The following FHIP1A variants were observed in gnomAD, a reference collection of about 807,000 sequenced individuals.
The protein encoded by FHIP1A is FHF complex subunit HOOK interacting protein 1A.
FHIP1A carries 61 observed loss-of-function variants against 88.6 expected under a neutral mutation model. That is an observed-to-expected ratio of 0.69 (90% confidence interval 0.56 to 0.85). FHIP1A has a LOEUF of 0.85. Among genes scored for constraint, FHIP1A ranks in the 40% least tolerant of loss-of-function variants. The probability of loss-of-function intolerance (pLI) is 0.00; values close to 1 mark genes in which losing one functional copy is unlikely to be tolerated. For missense variants in FHIP1A, 1,154 were observed against 1,273.5 expected (o/e 0.91, Z 1.43); for synonymous variants, 478 against 496.0 (o/e 0.96, Z 0.48).
rs1258458227 is a variant in FHIP1A, at chr4:151,656,453, G to T, written c.2730+43G>T. 14 of 1,522,916 alleles carry T rather than the reference G, an allele frequency of 9.2e-6. No individual in the cohort carries two copies. Among genetic ancestry groups the T allele is most frequent in the Non-Finnish European group, 1.2e-5 (13 of 1,125,764 alleles). 94.3% of individuals were successfully genotyped at this position (1,522,916 alleles called of 1,614,324 possible). ...ACATCCACACCTGTTGATTTTGTGG[G>T]TGCTAATTTGCAGGGCATCTATTTC... On this transcript the variant is annotated intron_variant, in intron 12 of 13. Coordinates refer to ENST00000435205, the MANE Select transcript of FHIP1A (RefSeq NM_001109977.3). This position sits in a 1 kb window ranked among gnomAD's most constrained non-coding sequence, Gnocchi z 4.2.
chr4:151,518,004 A>C (rs1055752302), intron 3 of FHIP1A, among the ~76,000 whole-genome samples: 1 of 152,204 alleles, frequency 6.6e-6, no homozygotes. Flanking sequence ...AAATATTTTA[A>C]GAATAAATTT....
At chr4:151,432,021 C>T (rs1209292860) in intron 1 of FHIP1A, among the ~76,000 whole-genome samples, 1 of 152,190 alleles carries the variant, frequency 6.6e-6, no homozygotes, top group Non-Finnish European at 1.5e-5. Flanking sequence ...AGCCTTTCCT[C>T]TGGAAGAGAG....
intron 4 of FHIP1A, among the ~76,000 whole-genome samples, chr4:151,570,927 A>G (rs1400308493): frequency 6.6e-6 from 1 of 152,196 alleles, no homozygotes; most frequent in Non-Finnish European, 1.5e-5. Flanking sequence ...TAATTTTTAT[A>G]GTAGTCTATT....
chr4:151,419,097 T>C (rs184511922), intron 1 of FHIP1A, among the ~76,000 whole-genome samples: 1 of 152,318 alleles, frequency 6.6e-6, no homozygotes, highest in East Asian at 1.9e-4. Context: ...TAGTTAAACA[T>C]TCTGGGTATG....
At chr4:151,639,015 A>G (rs1736471498) in intron 9 of FHIP1A, among the ~76,000 whole-genome samples, 1 of 152,186 alleles carries the variant, frequency 6.6e-6, no homozygotes, top group African/African-American at 2.4e-5. Flanking sequence ...CCTGGAAATT[A>G]TAGATAGAAT....
chr4:151,427,562 G>T (rs1733430471), intron 1 of FHIP1A, among the ~76,000 whole-genome samples: 1 of 152,018 alleles, frequency 6.6e-6, no homozygotes, highest in Admixed American at 6.6e-5. Context: ...TGGTATATGT[G>T]TTCATACAAT....
At chr4:151,432,464 T>C (rs1311929081) in intron 1 of FHIP1A, among the ~76,000 whole-genome samples, 2 of 152,146 alleles carry the variant, frequency 1.3e-5, no homozygotes, top group South Asian at 2.1e-4. Context: ...CCTATTCTCA[T>C]TGGGTGAGTG....
At chr4:151,456,443 G>A (rs1431735324) in intron 2 of FHIP1A, among the ~76,000 whole-genome samples, 3 of 152,080 alleles carry the variant, frequency 2.0e-5, no homozygotes, top group Non-Finnish European at 4.4e-5. Context: ...TAAACCTCTC[G>A]GAAGATGAAA....
At chr4:151,438,209 G>C (rs976759653) in intron 1 of FHIP1A, among the ~76,000 whole-genome samples, 4 of 152,094 alleles carry the variant, frequency 2.6e-5, no homozygotes, top group African/African-American at 9.7e-5. Flanking sequence ...TCTCTAAGGT[G>C]CTTTTAAGCT....
At chr4:151,521,492 C>T (rs188699013) in intron 3 of FHIP1A, among the ~76,000 whole-genome samples, 15 of 152,200 alleles carry the variant, frequency 9.9e-5, no homozygotes, top group South Asian at 6.2e-4. Flanking sequence ...GTCGTCTCTG[C>T]GGTCTAATCA....
chr4:151,442,407 G>C (rs1053745696), intron 1 of FHIP1A, among the ~76,000 whole-genome samples: 1 of 152,114 alleles, frequency 6.6e-6, no homozygotes, highest in African/African-American at 2.4e-5. Flanking sequence ...ATATGGCACT[G>C]GTAGACCCAT....
At chr4:151,606,321 A>G (rs2126837922) in intron 7 of FHIP1A, among the ~76,000 whole-genome samples, 1 of 152,148 alleles carries the variant, frequency 6.6e-6, no homozygotes, top group Non-Finnish European at 1.5e-5. Context: ...CTGAGGAAAA[A>G]CGTCTTGAAG....
intron 3 of FHIP1A, among the ~76,000 whole-genome samples, chr4:151,521,173 T>C (rs557842899): frequency 1.3e-5 from 2 of 152,312 alleles, no homozygotes; most frequent in East Asian, 3.9e-4. Context: ...CATGAAGTGT[T>C]TGTAAATGCT....
intron 7 of FHIP1A, among the ~76,000 whole-genome samples, chr4:151,623,730 T>G (rs80170024): frequency 6.6e-6 from 1 of 152,160 alleles, no homozygotes; most frequent in Admixed American, 6.5e-5. Context: ...ACAATAAAGG[T>G]TATAAAGGTA....
At chr4:151,589,171 T>C (rs532546506) in intron 7 of FHIP1A, among the ~76,000 whole-genome samples, 1 of 152,260 alleles carries the variant, frequency 6.6e-6, no homozygotes, top group African/African-American at 2.4e-5. Context: ...TAAAGGAACA[T>C]TGGCAGATAG....
chr4:151,563,972 G>A (rs914235070), intron 3 of FHIP1A, among the ~76,000 whole-genome samples: 1 of 151,926 alleles, frequency 6.6e-6, no homozygotes, highest in Non-Finnish European at 1.5e-5. Context: ...GCCTGGTGAC[G>A]GATTGAGACC....
intron 9 of FHIP1A, among the ~76,000 whole-genome samples, chr4:151,640,880 G>A (rs1212636485): frequency 6.6e-6 from 1 of 152,062 alleles, no homozygotes; most frequent in African/African-American, 2.4e-5. Context: ...AGATGGCATC[G>A]GTAATGGCTT....
At chr4:151,416,897 C>T (rs1407478862) in intron 1 of FHIP1A, among the ~76,000 whole-genome samples, 2 of 152,112 alleles carry the variant, frequency 1.3e-5, no homozygotes, top group Non-Finnish European at 2.9e-5. Flanking sequence ...GAATCTCCCA[C>T]CTCAGTCTCC....
At chr4:151,526,743 C>T (rs1382190087) in intron 3 of FHIP1A, among the ~76,000 whole-genome samples, 14 of 149,260 alleles carry the variant, frequency 9.4e-5, no homozygotes, top group African/African-American at 3.5e-4. Context: ...GGCTGCTGGG[C>T]GGAGGGGCTC....
Sources: gnomAD v4.1 joint callset for allele counts (sites outside exome capture counted in the v4.1 genomes callset) on GRCh38, gnomAD v4.1.1 for gene constraint, Gnocchi (gnomAD v3.1) non-coding constraint, MANE v1.5 for transcripts, NCBI Gene and HGNC (gene_info 2026-07-23, HGNC 2026-07-21) for gene names.